PBRM1: variants seen among roughly 807,000 people sequenced by gnomAD.
PBRM1 encodes protein polybromo-1.
Under a neutral mutation model 194.5 loss-of-function variants are expected in PBRM1, and 27 were observed. The observed-to-expected ratio is 0.14, with a 90% CI of 0.10 to 0.19. The LOEUF (loss-of-function observed/expected upper bound fraction) is 0.19, where lower values mean the gene tolerates loss of function less well. Among genes scored for constraint, PBRM1 ranks in the 10% least tolerant of loss-of-function variants. PBRM1 has a pLI of 1.00. For synonymous variants in PBRM1, 655 were observed against 693.2 expected, an observed-to-expected ratio of 0.94 and a Z score of 0.87; for missense variants, 1,466 against 2,077.2, an observed-to-expected ratio of 0.71 and a Z score of 5.72.
intron 7 of PBRM1, among the ~76,000 whole-genome samples, chr3:52,647,270 A>C (rs2096322214): frequency 6.6e-6 from 1 of 151,640 alleles, no homozygotes; most frequent in African/African-American, 2.4e-5. Flanking sequence ...ATGGAAAACA[A>C]GTGTTGGTGA....
intron 15 of PBRM1, among the ~76,000 whole-genome samples, chr3:52,611,585 C>G (rs1258279236): frequency 6.6e-6 from 1 of 152,160 alleles, no homozygotes; most frequent in Non-Finnish European, 1.5e-5. Context: ...GGGCAGATCA[C>G]TTGAGCCCAG....
At chr3:52,611,821 C>A (rs2094626891) in intron 15 of PBRM1, among the ~76,000 whole-genome samples, 1 of 151,792 alleles carries the variant, frequency 6.6e-6, no homozygotes, top group Non-Finnish European at 1.5e-5. Context: ...CAAAACAAAA[C>A]ACAAAACACA....
intron 3 of PBRM1, among the ~76,000 whole-genome samples, chr3:52,662,844 C>T (rs1054524538): frequency 1.6e-4 from 24 of 148,446 alleles, no homozygotes; most frequent in African/African-American, 5.7e-4. Flanking sequence ...AAAAAAAACA[C>T]CAAAAAACCC....
intron 17 of PBRM1, among the ~76,000 whole-genome samples, chr3:52,602,595 C>A (rs1404697408): frequency 6.6e-6 from 1 of 152,204 alleles, no homozygotes; most frequent in East Asian, 1.9e-4. Context: ...TCACCTTGGG[C>A]CATCAAAGTT....
chr3:52,546,481 T>G (rs1160044791), downstream of PBRM1: 1 of 229,650 alleles, frequency 4.4e-6, no homozygotes, highest in Admixed American at 5.7e-5. Context: ...ATTTAAAGTA[T>G]CTAGATACAA....
At chr3:52,640,330 G>A (rs2096022443) in intron 10 of PBRM1, among the ~76,000 whole-genome samples, 1 of 151,832 alleles carries the variant, frequency 6.6e-6, no homozygotes, top group South Asian at 2.1e-4. Context: ...CCAGGCTGGA[G>A]TGGAGTGGTG....
chr3:52,675,564 T>C (rs927758512), intron 2 of PBRM1, among the ~76,000 whole-genome samples: 8 of 152,228 alleles, frequency 5.3e-5, no homozygotes, highest in Non-Finnish European at 1.0e-4. Flanking sequence ...GTGGTGAAAG[T>C]GGGCATCTCT....
rs3733046 is a variant in PBRM1 at position 52,587,611 on chromosome 3, C to T, written c.2966-101G>A. The stretch of plus-strand genomic sequence containing the variant: ...TTTTTAAAGAGACTGGGTCTCACTA[C>T]GTTGCCCAGGCTGGACTTGAATTCC... On this transcript the variant is annotated intron_variant, in intron 18 of 29. Coordinates refer to ENST00000296302, the Ensembl canonical transcript of PBRM1. The T allele has an allele frequency of 0.41, 356,765 of 859,722 alleles. 77,602 individuals carry two copies. Among genetic ancestry groups the T allele is most frequent in the African/African-American group, 0.52 (28,896 of 55,330 alleles). The allele number at this position is 859,722 out of a possible 1,614,324, so 53.3% of individuals were successfully genotyped here. A position where few individuals can be genotyped will look rare whatever the true frequency, so the allele number is the denominator to read the frequency against.
intron 17 of PBRM1, among the ~76,000 whole-genome samples, chr3:52,599,860 A>G (rs1394990930): frequency 6.6e-6 from 1 of 151,944 alleles, no homozygotes; most frequent in Non-Finnish European, 1.5e-5. Flanking sequence ...TTTACTGTCA[A>G]TCTCACTTGC....
intron 16 of PBRM1, 71 bp from the exon 19 acceptor site, chr3:52,603,803 T>C: frequency 7.9e-7 from 1 of 1,273,536 alleles, no homozygotes; most frequent in Non-Finnish European, 1.1e-6. Context: ...ATATGTTAAA[T>C]TCTATTAAAT....
At chr3:52,603,316 T>G (rs2094131546) in intron 17 of PBRM1, among the ~76,000 whole-genome samples, 1 of 152,226 alleles carries the variant, frequency 6.6e-6, no homozygotes, top group African/African-American at 2.4e-5. Context: ...ATAACAGCTG[T>G]GTCACAGGTA....
intron 25 of PBRM1, among the ~76,000 whole-genome samples, 172 bp from the exon 28 acceptor site, chr3:52,558,585 C>T (rs930346084): frequency 3.3e-5 from 5 of 152,202 alleles, no homozygotes; most frequent in Non-Finnish European, 5.9e-5. Context: ...CACTTGGTAA[C>T]CTAGAGTCCA....
Position 52,607,915 on chromosome 3 carries a change from T to C in PBRM1, c.2567+1398A>G, listed in dbSNP as rs115620475. Among the ~76,000 whole-genome samples, 170 of 152,292 alleles carry C rather than the reference T, an allele frequency of 1.1e-3. 1 individual carries two copies. Among genetic ancestry groups the C allele is most frequent in the Non-Finnish European group, 1.7e-3 (114 of 68,030 alleles). On this transcript the variant is annotated intron_variant, in intron 16 of 29. Transcript: ENST00000296302. ...CAAACTGGCCCCAACTCTATCCCTGTCTCTTAAACATATCATATTCATTTC... is the reference window on the plus strand; with the variant it reads ...CAAACTGGCCCCAACTCTATCCCTGCCTCTTAAACATATCATATTCATTTC...
Position 52,652,384 on chromosome 3 carries a change from C to CA in PBRM1, c.646-575dup, listed in dbSNP as rs71615865. Among the ~76,000 whole-genome samples, 412 of 96,624 alleles carry CA rather than the reference C, an allele frequency of 4.3e-3. 2 individuals are homozygous for CA. Among genetic ancestry groups the CA allele is most frequent in the South Asian group, 0.011 (33 of 3,080 alleles). 63.4% of individuals were successfully genotyped at this position (96,624 alleles called of 152,430 possible). ...GGGGGACAAGAAAGAGACTTCGTCT[C>CA]AAAAAAAAAAAAAAAAATTCTAGGC... On this transcript the variant is annotated intron_variant, in intron 5 of 29. Transcript: ENST00000296302.
chr3:52,669,460 T>G (rs1022930211), intron 2 of PBRM1, among the ~76,000 whole-genome samples: 8 of 152,312 alleles, frequency 5.3e-5, no homozygotes, highest in African/African-American at 1.9e-4. Flanking sequence ...CATGGATGTT[T>G]AGTATTTTTT....
intron 20 of PBRM1, among the ~76,000 whole-genome samples, chr3:52,584,908 G>C (rs912076034): frequency 4.6e-5 from 7 of 151,950 alleles, no homozygotes; most frequent in Admixed American, 3.9e-4. Flanking sequence ...TCAGGCTTGA[G>C]ACACAAATAT....
intron 26 of PBRM1, among the ~76,000 whole-genome samples, chr3:52,555,329 G>A (rs1467526909): frequency 1.3e-5 from 2 of 152,162 alleles, no homozygotes; most frequent in African/African-American, 2.4e-5. Context: ...TAGGAAGGGA[G>A]GGAAATGAGC....
intron 2 of PBRM1, among the ~76,000 whole-genome samples, chr3:52,672,766 T>C (rs2096979274): frequency 6.6e-6 from 1 of 152,026 alleles, no homozygotes; most frequent in African/African-American, 2.4e-5. Context: ...AGTGTTGGGA[T>C]TACAGGCATG....
intron 4 of PBRM1, among the ~76,000 whole-genome samples, chr3:52,661,590 G>C (rs2096726420): frequency 6.6e-6 from 1 of 152,146 alleles, no homozygotes; most frequent in African/African-American, 2.4e-5. Context: ...GGTCAGGAAA[G>C]TCCTGTCTCA....
Sources: allele counts gnomAD v4.1 joint callset (sites outside exome capture counted in the v4.1 genomes callset), GRCh38; gene constraint gnomAD v4.1.1; transcripts MANE v1.5; gene names NCBI Gene and HGNC (gene_info 2026-07-23, HGNC 2026-07-21).